Variants in METAP2 observed in about 807,000 individuals in gnomAD.
The protein encoded by METAP2 is methionyl aminopeptidase 2, also known as methionine aminopeptidase 2.
Under a neutral mutation model 59.4 loss-of-function variants are expected in METAP2, and 25 were observed. The ratio of observed to expected loss-of-function variants is 0.42; its 90% CI spans 0.31 to 0.59. The LOEUF is 0.59. METAP2 is among the 20% of genes least tolerant of loss of function. The pLI, the probability that METAP2 is intolerant of heterozygous loss-of-function variation, is 0.16. For synonymous variants in METAP2, 214 were observed against 194.1 expected (o/e 1.10, Z -0.85); for missense variants, 366 against 581.2 (o/e 0.63, Z 3.81).
rs1181445806 is a variant in METAP2 at position 95,515,649 on chromosome 12, T to C, written c.*1745T>C. 1.3e-5 allele frequency: 2 copies of C among 152,238 alleles called. No homozygotes were observed. The highest frequency in any genetic ancestry group is 4.8e-5 in the African/African-American group (2 of 41,458). 9.4% of individuals were successfully genotyped at this position (152,238 alleles called of 1,614,324 possible). On this transcript the variant is annotated 3_prime_UTR_variant, in exon 11 of 11. Coordinates refer to ENST00000323666, the MANE Select transcript of METAP2 (RefSeq NM_006838.4). ...TGTTGGGAGCAATGGCATCACTGTA[T>C]GCCCTTGTAATGGCTGGAAGGGACA...
intron 8 of METAP2, among the ~76,000 whole-genome samples, chr12:95,511,182 T>C (rs2076398929): frequency 6.6e-6 from 1 of 152,194 alleles, no homozygotes; most frequent in Non-Finnish European, 1.5e-5. Context: ...AATGTTGATA[T>C]AAAGTTTTAT....
chr12:95,477,717 A>G lies in METAP2; in HGVS notation c.259+1539A>G, dbSNP rs573089924. On this transcript the variant is annotated intron_variant, in intron 2 of 10. Coordinates refer to ENST00000323666, the MANE Select transcript of METAP2 (RefSeq NM_006838.4). ...CCAGCCTGGGGTTAGGTCTTTAACC[A>G]TTAGTTGGGGCTGTAATTATTGTGT... Among the ~76,000 whole-genome samples the G allele has an allele frequency of 2.6e-5, 4 of 152,250 alleles. No homozygotes were observed. The South Asian group carries it at 8.3e-4, about 32-fold the overall frequency.
At chr12:95,489,713 C>G (rs1003382145) in intron 4 of METAP2, among the ~76,000 whole-genome samples, 2 of 152,110 alleles carry the variant, frequency 1.3e-5, no homozygotes, top group Admixed American at 1.3e-4. Context: ...TGGCGCATGC[C>G]TGTAATCCCA....
chr12:95,495,835 A>G (rs1417683958), intron 6 of METAP2, among the ~76,000 whole-genome samples, 169 bp from the exon 7 acceptor site: 1 of 151,950 alleles, frequency 6.6e-6, no homozygotes, highest in Non-Finnish European at 1.5e-5. Flanking sequence ...ATACTTCTAC[A>G]TTTTGTCTCT....
At chr12:95,480,443 T>C (rs568390971) in intron 2 of METAP2, among the ~76,000 whole-genome samples, 2 of 152,318 alleles carry the variant, frequency 1.3e-5, no homozygotes, top group South Asian at 4.1e-4. Context: ...TAAGAAGCTG[T>C]CTGGTTTCCA....
At chr12:95,513,488 G>C (rs1238421616) in intron 10 of METAP2, among the ~76,000 whole-genome samples, 164 bp from the exon 11 acceptor site, 2 of 152,158 alleles carry the variant, frequency 1.3e-5, no homozygotes, top group African/African-American at 4.8e-5. Context: ...CTATAATTAG[G>C]TATGGGCTAT....
intron 2 of METAP2, chr12:95,482,251 A>G (rs752712188): frequency 1.9e-5 from 8 of 432,130 alleles, no homozygotes; most frequent in African/African-American, 1.0e-4. Context: ...AACTGGGACT[A>G]TGGGCGCATA....
intron 7 of METAP2, among the ~76,000 whole-genome samples, chr12:95,501,884 C>A (rs2076318755): frequency 6.6e-6 from 1 of 150,896 alleles, no homozygotes. Flanking sequence ...TACATAGTAT[C>A]CTTTGCAGGG....
intron 9 of METAP2, 55 bp downstream of exon 9, chr12:95,512,053 A>G (rs2076406884): frequency 3.1e-6 from 4 of 1,272,312 alleles, no homozygotes; most frequent in Non-Finnish European, 3.4e-6. Flanking sequence ...TCTTCCAAGC[A>G]GAAGGTCATG....
chr12:95,481,970 A>G (rs766335804), intron 2 of METAP2, among the ~76,000 whole-genome samples: 12 of 152,236 alleles, frequency 7.9e-5, no homozygotes, highest in Non-Finnish European at 1.3e-4. Context: ...GAGCCCAACA[A>G]ACATTTAATG....
chr12:95,477,443 G>A (rs1393566986), intron 2 of METAP2, among the ~76,000 whole-genome samples: 2 of 152,088 alleles, frequency 1.3e-5, no homozygotes, highest in Non-Finnish European at 1.5e-5. Flanking sequence ...TGAAAGAATC[G>A]TATAGGAGTG....
chr12:95,483,230 G>T lies in METAP2; in HGVS notation c.275G>T (p.Gly92Val), dbSNP rs779708087. ...DEDDEDGDGDGDGATGKKKKK... is the reference protein window; with the variant it reads ...DEDDEDGDGDVDGATGKKKKK... ...CTTTTCTTAGATGGAGATGGCGATG[G>T]AGATGGAGCAACTGGAAAGAAGAAG... The change falls in exon 3 of 11, where the codon GGA becomes GTA. Residue 92 changes from glycine to valine, a missense_variant. Around this residue, in one of 4 missense-constraint regions of METAP2, gnomAD observed 177 missense variants for 180.3 expected, o/e 0.98. Coordinates refer to ENST00000323666, the MANE Select transcript of METAP2 (RefSeq NM_006838.4). The T allele has an allele frequency of 4.3e-6, 7 of 1,613,070 alleles. No individual in the cohort carries two copies. The South Asian group carries it at 7.7e-5, about 18-fold the overall frequency.
At chr12:95,479,348 G>A (rs984094467) in intron 2 of METAP2, among the ~76,000 whole-genome samples, 1 of 152,168 alleles carries the variant, frequency 6.6e-6, no homozygotes. Context: ...GTGGACTCTG[G>A]GAGTTTGCAC....
At chr12:95,508,446 A>T (rs1296550478) in intron 8 of METAP2, among the ~76,000 whole-genome samples, 2 of 152,234 alleles carry the variant, frequency 1.3e-5, no homozygotes, top group Non-Finnish European at 2.9e-5. Context: ...AATTTATGGG[A>T]CTAGAACATG....
At chr12:95,513,134 A>ACACACACAC (rs1336299007) in intron 10 of METAP2, among the ~76,000 whole-genome samples, 2 of 100,046 alleles carry the variant, frequency 2.0e-5, no homozygotes, top group Admixed American at 1.2e-4. Flanking sequence ...CACACACACA[A>ACACACACAC]GTGCTCTCTT....
Position 95,513,245 on chromosome 12 carries a change from C to T in METAP2, c.1184+329C>T, listed in dbSNP as rs566948189. Among the ~76,000 whole-genome samples, 12 of 152,132 alleles carry T rather than the reference C, an allele frequency of 7.9e-5. No individual in the cohort carries two copies. The South Asian group carries it at 1.9e-3, about 24-fold the overall frequency. ...TCCATTGGTAAACTTCCATTTACAG[C>T]GTCTTTCAATTTACATTGAAATTTT... On this transcript the variant is annotated intron_variant, in intron 10 of 10. Transcript: ENST00000323666.
chr12:95,488,501 T>A (rs1047328716), intron 4 of METAP2, among the ~76,000 whole-genome samples: 1 of 124,204 alleles, frequency 8.1e-6, no homozygotes, highest in Non-Finnish European at 1.6e-5. Context: ...AGAGCGAGAC[T>A]TTGTCTCACC....
At chr12:95,503,791 C>T (rs1355439339) in intron 7 of METAP2, among the ~76,000 whole-genome samples, 3 of 152,150 alleles carry the variant, frequency 2.0e-5, no homozygotes, top group Non-Finnish European at 2.9e-5. Flanking sequence ...CATTATTCCC[C>T]TGGAAGTTGC....
At chr12:95,509,735 A>G (rs1295029621) in intron 8 of METAP2, among the ~76,000 whole-genome samples, 2 of 152,100 alleles carry the variant, frequency 1.3e-5, no homozygotes, top group African/African-American at 4.8e-5. Context: ...CTAAGTTTGT[A>G]ACATACTTGT....
Sources: gnomAD v4.1 joint callset for allele counts (sites outside exome capture counted in the v4.1 genomes callset) on GRCh38, gnomAD v4.1.1 for gene constraint, gnomAD v4.1.1 regional missense constraint, MANE v1.5 for transcripts, NCBI Gene and HGNC (gene_info 2026-07-23, HGNC 2026-07-21) for gene names.